FBXO34: variants seen among roughly 807,000 people sequenced by gnomAD.
FBXO34 encodes the protein F-box only protein 34.
FBXO34 carries 12 observed loss-of-function variants against 24.5 expected under a neutral mutation model. The ratio of observed to expected loss-of-function variants is 0.49; its 90% CI spans 0.31 to 0.79. The LOEUF (loss-of-function observed/expected upper bound fraction) is 0.79, where lower values mean the gene tolerates loss of function less well. Ranked by LOEUF, FBXO34 falls within the 30% of genes least tolerant of loss-of-function variation. FBXO34 has a pLI of 0.04. For synonymous variants in FBXO34, 320 were observed against 311.9 expected, an observed-to-expected ratio of 1.03 and a Z score of -0.27; for missense variants, 823 against 857.7, an observed-to-expected ratio of 0.96 and a Z score of 0.51.
chr14:55,377,348 A>C, the FBXO34 span, among the ~76,000 whole-genome samples: 25 of 148,782 alleles, frequency 1.7e-4, no homozygotes, highest in African/African-American at 6.2e-4. Context: ...ACCCCATCTC[A>C]AAAAAAAAAG....
At chr14:55,283,538 C>T (rs1350200962) in intron 1 of FBXO34, among the ~76,000 whole-genome samples, 2 of 149,886 alleles carry the variant, frequency 1.3e-5, no homozygotes, top group Non-Finnish European at 3.0e-5. Flanking sequence ...GATCTCAGCT[C>T]ACTGCAACCT....
At chr14:55,411,848 C>T in the FBXO34 span, 34 of 1,555,632 alleles carry the variant, frequency 2.2e-5, no homozygotes, top group East Asian at 1.6e-4. Context: ...GAGCCAGTCA[C>T]GTGGGATTTT....
chr14:55,393,113 G>A, the FBXO34 span, among the ~76,000 whole-genome samples: 1 of 152,174 alleles, frequency 6.6e-6, no homozygotes, highest in South Asian at 2.1e-4. Context: ...TGGGCGCGGT[G>A]GCTCACGCCT....
chr14:55,381,846 C>T, the FBXO34 span: 1 of 794,556 alleles, frequency 1.3e-6, no homozygotes, highest in Non-Finnish European at 2.0e-6. Flanking sequence ...GAGCACAGTG[C>T]TGTGAATGTA....
intron 1 of FBXO34, among the ~76,000 whole-genome samples, chr14:55,332,241 G>A (rs1883620326): frequency 6.6e-6 from 1 of 151,742 alleles, no homozygotes; most frequent in Admixed American, 6.6e-5. Context: ...GAGCATAGTA[G>A]GTGTTAAATC....
At chr14:55,314,334 A>G (rs1028293151) in intron 1 of FBXO34, among the ~76,000 whole-genome samples, 2 of 152,236 alleles carry the variant, frequency 1.3e-5, no homozygotes, top group East Asian at 3.8e-4. Flanking sequence ...TTAAGTGGAA[A>G]CGGTCTTAAC....
chr14:55,302,250 G>A (rs1297279319), intron 1 of FBXO34, among the ~76,000 whole-genome samples: 1 of 152,168 alleles, frequency 6.6e-6, no homozygotes, highest in Admixed American at 6.5e-5. Flanking sequence ...GACATTACAT[G>A]GAGGTGATTT....
At chr14:55,426,047 G>A in the FBXO34 span, among the ~76,000 whole-genome samples, 6 of 152,090 alleles carry the variant, frequency 3.9e-5, no homozygotes, top group East Asian at 7.7e-4. Context: ...TGGGTGGATC[G>A]CCTGAGGTCA....
the FBXO34 span, chr14:55,378,028 C>T: frequency 6.2e-6 from 10 of 1,613,198 alleles, 1 homozygote; most frequent in Middle Eastern, 1.7e-4. Context: ...AGTTTCTTCA[C>T]TGCTCGAGTA....
chr14:55,296,100 G>A (rs1882112027), intron 1 of FBXO34, among the ~76,000 whole-genome samples: 1 of 152,210 alleles, frequency 6.6e-6, no homozygotes, highest in South Asian at 2.1e-4. Flanking sequence ...ACCAGCCTTA[G>A]CAAGTCCCCC....
chr14:55,312,073 G>T (rs145762560), intron 1 of FBXO34, among the ~76,000 whole-genome samples: 1 of 151,142 alleles, frequency 6.6e-6, no homozygotes, highest in Non-Finnish European at 1.5e-5. Context: ...GGTGGCATGC[G>T]CTTGTAATCC....
intron 1 of FBXO34, among the ~76,000 whole-genome samples, chr14:55,324,038 C>T (rs1883259126): frequency 6.6e-6 from 1 of 151,908 alleles, no homozygotes; most frequent in Admixed American, 6.5e-5. Context: ...TTGTCACCCC[C>T]ATGGGTGACA....
chr14:55,385,821 T>G, the FBXO34 span: 2 of 1,503,076 alleles, frequency 1.3e-6, no homozygotes, highest in Non-Finnish European at 1.8e-6. Flanking sequence ...ATTTGGAACT[T>G]GATCTATTCC....
chr14:55,406,964 C>CTTTTTTTTTTTTTTTTTT, the FBXO34 span, among the ~76,000 whole-genome samples: 1 of 141,456 alleles, frequency 7.1e-6, no homozygotes. Context: ...TTGAGATTGT[C>CTTTTTTTTTTTTTTTTTT]TTTTTTTTTT....
chr14:55,277,778 T>C (rs1031083939), intron 1 of FBXO34, among the ~76,000 whole-genome samples: 6 of 152,236 alleles, frequency 3.9e-5, no homozygotes, highest in Admixed American at 1.3e-4. Context: ...CCTACATTTT[T>C]ATTCATAAAC....
At chr14:55,417,035 G>A in the FBXO34 span, among the ~76,000 whole-genome samples, 1 of 152,290 alleles carries the variant, frequency 6.6e-6, no homozygotes, top group South Asian at 2.1e-4. Context: ...ATACCATCTG[G>A]AGGCCCCTGG....
chr14:55,349,764 G>A (rs538575035), intron 1 of FBXO34, among the ~76,000 whole-genome samples: 1 of 151,788 alleles, frequency 6.6e-6, no homozygotes, highest in Non-Finnish European at 1.5e-5. Flanking sequence ...GCCCCACTAC[G>A]CCCGGCTGAT....
the FBXO34 span, among the ~76,000 whole-genome samples, chr14:55,388,036 C>T: frequency 6.6e-6 from 1 of 151,990 alleles, no homozygotes; most frequent in Non-Finnish European, 1.5e-5. Context: ...ACTTGGGAGG[C>T]TGAGGCAGGA....
chr14:55,308,080 G>C (rs772472928), intron 1 of FBXO34, among the ~76,000 whole-genome samples: 3 of 152,166 alleles, frequency 2.0e-5, no homozygotes, highest in Non-Finnish European at 2.9e-5. Context: ...GCTCTCTTGC[G>C]TGTTGCCGTG....
Sources: gnomAD v4.1 joint callset for allele counts (sites outside exome capture counted in the v4.1 genomes callset) on GRCh38, gnomAD v4.1.1 for gene constraint, MANE v1.5 for transcripts, NCBI Gene and HGNC (gene_info 2026-07-23, HGNC 2026-07-21) for gene names.